The following SAMD15 variants were observed in gnomAD, a reference collection of about 807,000 sequenced individuals.
The protein encoded by SAMD15 is sterile alpha motif domain containing 15, also known as sterile alpha motif domain-containing protein 15.
A neutral mutation model predicts 50.5 loss-of-function variants in SAMD15; 37 were observed. The observed-to-expected ratio is 0.73, with a 90% CI of 0.56 to 0.96. SAMD15 has a LOEUF of 0.96. Among genes scored for constraint, SAMD15 ranks in the 40% least tolerant of loss-of-function variants. SAMD15 has a pLI of 0.00. For synonymous variants in SAMD15, 255 were observed against 282.8 expected (o/e 0.90, Z 0.99); for missense variants, 789 against 783.8 (o/e 1.01, Z -0.08).
Position 77,378,710 on chromosome 14 carries a change from A to G in SAMD15, c.1292A>G (p.Lys431Arg), listed in dbSNP as rs772253411. The stretch of plus-strand genomic sequence containing the variant: ...GACAGGCCAGAACCAATAAAGTCTA[A>G]GTATTCTGTAGGAAACGATGAGCTA... ...KEDRPEPIKS[K>R]YSVGNDELEH... is the part of the protein sequence containing the mutation. The change falls in exon 1 of 3, where the codon AAG becomes AGG. Residue 431 changes from lysine to arginine, a missense_variant. Around this residue, in one of 2 missense-constraint regions of SAMD15, gnomAD observed 770 missense variants for 745.4 expected, o/e 1.03. Coordinates refer to ENST00000216471, the MANE Select transcript of SAMD15 (RefSeq NM_001010860.4). 1.9e-6 allele frequency: 3 copies of G among 1,613,866 alleles called. No homozygotes were observed. The highest frequency in any genetic ancestry group is 1.1e-5 in the South Asian group (1 of 90,984).
At position 77,391,031 on chromosome 14, in the gene SAMD15, G is replaced by A; in HGVS notation, c.1812G>A (p.Glu604=). 6.2e-7 allele frequency: 1 copy of A among 1,612,374 alleles called. No individual in the cohort carries two copies. The highest frequency in any genetic ancestry group is 8.5e-7 in the Non-Finnish European group (1 of 1,179,098). Residue 604 remains glutamate, a synonymous_variant, in exon 3 of 3, where the codon GAG becomes GAA. Coordinates refer to ENST00000216471, the MANE Select transcript of SAMD15 (RefSeq NM_001010860.4). ...DMKAISRHTQ[E]LLEIEEPLFK... is the part of the protein sequence containing the mutation. The stretch of plus-strand genomic sequence containing the variant: ...AGGCAATTTCTCGGCATACGCAGGA[G>A]CTCCTGGAAATTGAAGAGCCATTAT...
intron 2 of SAMD15, among the ~76,000 whole-genome samples, chr14:77,382,736 G>A (rs1488525365): frequency 6.6e-6 from 1 of 151,562 alleles, no homozygotes; most frequent in East Asian, 1.9e-4. Flanking sequence ...ATTTTTTTGA[G>A]ACAGAGTCTT....
chr14:77,379,515 A>G (rs974204245), intron 1 of SAMD15, among the ~76,000 whole-genome samples: 1 of 151,922 alleles, frequency 6.6e-6, no homozygotes, highest in African/African-American at 2.4e-5. Context: ...CCTCCTGAGT[A>G]GCTGGGACTG....
At chr14:77,380,514 C>G in intron 2 of SAMD15, 33 bp downstream of exon 2, 7 of 1,429,378 alleles carry the variant, frequency 4.9e-6, no homozygotes, top group Non-Finnish European at 6.9e-6. Context: ...CTACAGAGCA[C>G]TGTTAACAGT....
chr14:77,385,622 T>C (rs1038511553), intron 2 of SAMD15, among the ~76,000 whole-genome samples: 2 of 152,182 alleles, frequency 1.3e-5, no homozygotes, highest in African/African-American at 4.8e-5. Flanking sequence ...GCTCTCCTTA[T>C]ATGTAAATAT....
At chr14:77,387,535 A>T (rs1306373886) in intron 2 of SAMD15, among the ~76,000 whole-genome samples, 3 of 152,236 alleles carry the variant, frequency 2.0e-5, no homozygotes, top group Admixed American at 1.3e-4. Flanking sequence ...ACACACTTTT[A>T]AAAATCACTG....
At position 77,391,017 on chromosome 14, in the gene SAMD15, C is replaced by T. The variant is rs753314157; in HGVS notation, c.1798C>T (p.Arg600Trp). The T allele has an allele frequency of 5.0e-6, 8 of 1,602,404 alleles. No homozygotes were observed. The highest frequency in any genetic ancestry group is 4.5e-5 in the East Asian group (2 of 44,826). Reference sequence around the variant, plus strand: ...TATCCTTGCGTTTCAGGCAATTTCTCGGCATACGCAGGAGCTCCTGGAAAT... The same window carrying T: ...TATCCTTGCGTTTCAGGCAATTTCTTGGCATACGCAGGAGCTCCTGGAAAT... ...TNFEDMKAIS[R>W]HTQELLEIEE... is the part of the protein sequence containing the mutation. Residue 600 changes from arginine to tryptophan, a missense_variant, in exon 3 of 3, where the codon CGG (arginine) becomes TGG (tryptophan). Coordinates refer to ENST00000216471, the MANE Select transcript of SAMD15 (RefSeq NM_001010860.4).
Position 77,378,533 on chromosome 14 carries a change from A to T in SAMD15, c.1115A>T (p.Asn372Ile). ...ATAAGAAAGTCAAATGAGAAAAAAAATCCACAGCCACCAGAGGAGACTGGT... is the reference window on the plus strand; with the variant it reads ...ATAAGAAAGTCAAATGAGAAAAAAATTCCACAGCCACCAGAGGAGACTGGT... ...EEIRKSNEKK[N>I]PQPPEETGPV... The change falls in exon 1 of 3, where the codon AAT (asparagine) becomes ATT (isoleucine). Residue 372 changes from asparagine (N) to isoleucine (I), a missense_variant. Transcript: ENST00000216471. The T allele has an allele frequency of 3.1e-6, 5 of 1,613,604 alleles. No individual in the cohort carries two copies. Among genetic ancestry groups the T allele is most frequent in the Non-Finnish European group, 4.2e-6 (5 of 1,179,948 alleles).
intron 2 of SAMD15, among the ~76,000 whole-genome samples, chr14:77,382,186 G>A (rs1893951621): frequency 6.6e-6 from 1 of 150,522 alleles, no homozygotes; most frequent in African/African-American, 2.4e-5. Flanking sequence ...GTGCAGTGGT[G>A]CGATCTCAGC....
At chr14:77,383,871 G>A (rs181873809) in intron 2 of SAMD15, among the ~76,000 whole-genome samples, 57 of 149,882 alleles carry the variant, frequency 3.8e-4, no homozygotes, top group African/African-American at 1.3e-3. Flanking sequence ...TTGGGAGGCT[G>A]AAGCAGGCGA....
intron 2 of SAMD15, among the ~76,000 whole-genome samples, chr14:77,384,832 G>A (rs1893986069): frequency 6.6e-6 from 1 of 152,146 alleles, no homozygotes; most frequent in African/African-American, 2.4e-5. Flanking sequence ...ACTAACCCAT[G>A]TGTACACAAA....
At chr14:77,385,670 AGT>A (rs1893996733) in intron 2 of SAMD15, among the ~76,000 whole-genome samples, 1 of 152,138 alleles carries the variant, frequency 6.6e-6, no homozygotes, top group South Asian at 2.1e-4. Flanking sequence ...AATAGAGTTC[AGT>A]GTTTGTGTAC....
intron 2 of SAMD15, among the ~76,000 whole-genome samples, chr14:77,389,496 A>ATT (rs768983521): frequency 0.025 from 2,740 of 111,576 alleles, 201 homozygotes; most frequent in African/African-American, 0.07. Flanking sequence ...GGCAATCACA[A>ATT]TTTTTTTTTT....
intron 2 of SAMD15, among the ~76,000 whole-genome samples, chr14:77,384,300 C>T (rs1041749901): frequency 5.9e-5 from 9 of 152,120 alleles, no homozygotes; most frequent in South Asian, 4.1e-4. Context: ...TGCCACTGTG[C>T]ACCTCCTATA....
rs747132452 is a variant in SAMD15, at chr14:77,377,552, C to T, written c.134C>T (p.Ser45Leu). The change falls in exon 1 of 3, where the codon TCG (serine) becomes TTG (leucine). Residue 45 changes from serine to leucine, a missense_variant. Physicochemically the swap from Ser to Leu is moderately radical, Grantham distance 145. Transcript: ENST00000216471. ...CCAGACACCATGGCAAAGGCAGACTCGAAGCTACCAGCAGAGATTTACCAA... is the reference window on the plus strand; with the variant it reads ...CCAGACACCATGGCAAAGGCAGACTTGAAGCTACCAGCAGAGATTTACCAA... ...AEPDTMAKAD[S>L]KLPAEIYQEP... 4 of 1,613,978 alleles carry T rather than the reference C, an allele frequency of 2.5e-6. No homozygotes were observed. The African/African-American group carries it at 5.3e-5, about 22-fold the overall frequency.
Position 77,377,479 on chromosome 14 carries a change from G to A in SAMD15, c.61G>A (p.Glu21Lys), listed in dbSNP as rs1182229120. ...GPDEDGELEP[E>K]RPELPGLHKL... ...AGATGAAGATGGAGAGCTGGAGCCTGAGAGGCCTGAACTGCCTGGACTTCA... is the reference window on the plus strand; with the variant it reads ...AGATGAAGATGGAGAGCTGGAGCCTAAGAGGCCTGAACTGCCTGGACTTCA... The change falls in exon 1 of 3, where the codon GAG becomes AAG. Residue 21 changes from glutamate (E) to lysine (K), a missense_variant. Transcript: ENST00000216471. 6.2e-7 allele frequency: 1 copy of A among 1,614,000 alleles called. No homozygotes were observed. Among genetic ancestry groups the A allele is most frequent in the Non-Finnish European group, 8.5e-7 (1 of 1,180,002 alleles).
In SAMD15 at chr14:77,391,542, TCCTAACAGTTGATCTGC is replaced by T. The variant is rs1594864455; in HGVS notation, c.*301_*317del. ...CATGTTGGCCAGGCTGGTCTGAAAC[TCCTAACAGTTGATCTGC>T]CCGCCGTGGCGTCCCAAAGTGCTGG... On this transcript the variant is annotated 3_prime_UTR_variant, in exon 3 of 3. Coordinates refer to ENST00000216471, the MANE Select transcript of SAMD15 (RefSeq NM_001010860.4). 2 of 228,414 alleles carry T rather than the reference TCCTAACAGTTGATCTGC, an allele frequency of 8.8e-6. No individual in the cohort carries two copies. Among genetic ancestry groups the T allele is most frequent in the Non-Finnish European group, 1.7e-5 (2 of 118,152 alleles). The allele number at this position is 228,414 out of a possible 1,614,324, so 14.1% of individuals were successfully genotyped here.
At chr14:77,385,815 T>C (rs1174899098) in intron 2 of SAMD15, among the ~76,000 whole-genome samples, 1 of 150,824 alleles carries the variant, frequency 6.6e-6, no homozygotes, top group Non-Finnish European at 1.5e-5. Flanking sequence ...GATTCATTTG[T>C]CCACAGCCTT....
At chr14:77,380,261 CAA>C (rs1893928507) in intron 1 of SAMD15, 120 bp from the exon 2 acceptor site, 1 of 686,344 alleles carries the variant, frequency 1.5e-6, no homozygotes, top group South Asian at 1.7e-5. Context: ...AAAGAAAAAA[CAA>C]AATAATATTT....
Sources: allele counts gnomAD v4.1 joint callset (sites outside exome capture counted in the v4.1 genomes callset), GRCh38; gene constraint gnomAD v4.1.1; regional missense constraint gnomAD v4.1.1; transcripts MANE v1.5; gene names NCBI Gene and HGNC (gene_info 2026-07-23, HGNC 2026-07-21).